TSPAN11: variants seen among roughly 807,000 people sequenced by gnomAD.
The protein encoded by TSPAN11 is tetraspanin-11.
In TSPAN11, 29 loss-of-function variants were observed where a neutral mutation model predicts 32.9. The observed-to-expected ratio is 0.88, with a 90% CI of 0.66 to 1.20. The LOEUF is 1.20. Among genes scored for constraint, TSPAN11 ranks in the 50% most tolerant of loss-of-function variants. The pLI, the probability that TSPAN11 is intolerant of heterozygous loss-of-function variation, is 0.00. For missense variants in TSPAN11, 283 were observed against 329.1 expected (o/e 0.86, Z 1.08); for synonymous variants, 140 against 141.3 (o/e 0.99, Z 0.07).
At chr12:30,987,639 C>T (rs1045706314) in intron 7 of TSPAN11, among the ~76,000 whole-genome samples, 7 of 152,052 alleles carry the variant, frequency 4.6e-5, no homozygotes, top group Admixed American at 4.6e-4. Flanking sequence ...GGGCTCCCCG[C>T]AGCAAAATGA....
At chr12:30,928,196 G>A (rs7957255) in intron 1 of TSPAN11, among the ~76,000 whole-genome samples, 5,714 of 152,316 alleles carry the variant, frequency 0.038, 429 homozygotes, top group East Asian at 0.35. Context: ...GAAAACTGGC[G>A]TTGATGTCTT....
intron 1 of TSPAN11, among the ~76,000 whole-genome samples, chr12:30,932,923 G>T (rs1447569606): frequency 1.3e-5 from 2 of 152,216 alleles, no homozygotes; most frequent in Non-Finnish European, 2.9e-5. Flanking sequence ...ATGCCTGGAA[G>T]GGAATGACGC....
chr12:30,986,626 G>A (rs919855227), intron 7 of TSPAN11: 1 of 152,168 alleles, frequency 6.6e-6, no homozygotes, highest in African/African-American at 2.4e-5. Context: ...GGTTCCCATC[G>A]CAGGAACCAG....
chr12:30,929,581 C>T (rs1937874852), intron 1 of TSPAN11, among the ~76,000 whole-genome samples: 1 of 152,148 alleles, frequency 6.6e-6, no homozygotes, highest in Non-Finnish European at 1.5e-5. Context: ...TGTTATCGTC[C>T]TCTATTGGGG....
At chr12:30,959,885 A>G (rs1350047334) in intron 2 of TSPAN11, among the ~76,000 whole-genome samples, 1 of 151,600 alleles carries the variant, frequency 6.6e-6, no homozygotes, top group Non-Finnish European at 1.5e-5. Flanking sequence ...AGGCCATGCA[A>G]AAGAGTTTTT....
intron 1 of TSPAN11, among the ~76,000 whole-genome samples, chr12:30,948,508 A>G (rs2140280558): frequency 6.6e-6 from 1 of 152,328 alleles, no homozygotes; most frequent in Middle Eastern, 3.4e-3. Flanking sequence ...GCCCAACACC[A>G]CGTGGAAGCT....
intron 1 of TSPAN11, 28 bp from the exon 2 acceptor site, chr12:30,953,953 C>G: frequency 6.4e-7 from 1 of 1,559,010 alleles, no homozygotes; most frequent in Non-Finnish European, 8.8e-7. Context: ...GGTGATTCCC[C>G]GGCCCAGCAT....
Position 30,993,443 on chromosome 12 carries a change from A to G in TSPAN11, c.*1528A>G, listed in dbSNP as rs1939357056. ...TGAACTGTCCAGAAACTGCATCCTC[A>G]GCACAGGAAGTACCCACATGGACAG... On this transcript the variant is annotated 3_prime_UTR_variant, in exon 8 of 8. Transcript: ENST00000546076. The G allele has an allele frequency of 1.3e-5, 2 of 152,320 alleles. No individual in the cohort carries two copies. Among genetic ancestry groups the G allele is most frequent in the African/African-American group, 4.8e-5 (2 of 41,468 alleles). 9.4% of individuals were successfully genotyped at this position (152,320 alleles called of 1,614,324 possible).
intron 1 of TSPAN11, among the ~76,000 whole-genome samples, chr12:30,935,697 G>T (rs1938031534): frequency 6.6e-6 from 1 of 152,160 alleles, no homozygotes; most frequent in Non-Finnish European, 1.5e-5. Context: ...GTGACCCATT[G>T]TGTGAAAATT....
At chr12:30,949,363 G>A (rs1938333453) in intron 1 of TSPAN11, among the ~76,000 whole-genome samples, 1 of 152,148 alleles carries the variant, frequency 6.6e-6, no homozygotes, top group Admixed American at 6.6e-5. Flanking sequence ...CCGAGACTGG[G>A]AGGAAAAAGA....
At chr12:30,986,473 G>C (rs1327684419) in intron 7 of TSPAN11, among the ~76,000 whole-genome samples, 1 of 152,202 alleles carries the variant, frequency 6.6e-6, no homozygotes, top group Non-Finnish European at 1.5e-5. Flanking sequence ...TTCAGGCAGG[G>C]ACAAGCCTAG....
the TSPAN11 span, among the ~76,000 whole-genome samples, chr12:31,011,488 C>T: frequency 2.6e-4 from 40 of 152,308 alleles, 2 homozygotes; most frequent in South Asian, 7.9e-3. Flanking sequence ...CAGCCCCAGC[C>T]AAGGCACTCC....
chr12:31,002,949 C>T, the TSPAN11 span, among the ~76,000 whole-genome samples: 2 of 152,170 alleles, frequency 1.3e-5, no homozygotes, highest in African/African-American at 2.4e-5. The surrounding 1 kb of genome is among the most constrained non-coding windows in gnomAD (Gnocchi z 4.8). Flanking sequence ...GATTTGCACC[C>T]TGACACCCAC....
At chr12:31,013,146 C>A in the TSPAN11 span, among the ~76,000 whole-genome samples, 1 of 152,210 alleles carries the variant, frequency 6.6e-6, no homozygotes, top group African/African-American at 2.4e-5. Flanking sequence ...CACTACACTA[C>A]AGCCAGGGAA....
At chr12:30,998,074 C>T (rs541748901), downstream of TSPAN11, among the ~76,000 whole-genome samples, 47 of 152,342 alleles carry the variant, frequency 3.1e-4, no homozygotes, top group Non-Finnish European at 5.6e-4. Context: ...GTTGCCTGCT[C>T]CCCTCCACCA....
At chr12:31,000,726 G>C (rs187318427), downstream of TSPAN11, among the ~76,000 whole-genome samples, 1 of 152,166 alleles carries the variant, frequency 6.6e-6, no homozygotes, top group Admixed American at 6.5e-5. Context: ...GAGGAACCTC[G>C]ATAATGTTTT....
At chr12:30,961,798 A>G (rs1938618435) in intron 2 of TSPAN11, among the ~76,000 whole-genome samples, 1 of 152,054 alleles carries the variant, frequency 6.6e-6, no homozygotes, top group African/African-American at 2.4e-5. Context: ...TCACACCGCT[A>G]GTTATGCAAA....
chr12:30,988,438 A>C (rs1939245107), intron 7 of TSPAN11: 1 of 152,028 alleles, frequency 6.6e-6, no homozygotes, highest in Non-Finnish European at 1.5e-5. Context: ...AAATACAAAA[A>C]ATTAGCTGGG....
At position 30,982,644 on chromosome 12, in the gene TSPAN11, T is replaced by C. The variant is rs2075333; in HGVS notation, c.569T>C (p.Val190Ala). The change falls in exon 6 of 8, where the codon GTG becomes GCG. Residue 190 changes from valine (V) to alanine (A), a missense_variant. By Grantham distance (64) the Val-to-Ala change is moderately conservative. Coordinates refer to ENST00000546076, the MANE Select transcript of TSPAN11 (RefSeq NM_001370302.1). ...GACAGCTGCTGCAAGACAGTGGTGG[T>C]GCGCTGCGGCCAGCGGGCCCACCCC... ...VPDSCCKTVV[V>A]RCGQRAHPSN... 1,111,080 of 1,608,570 alleles carry C rather than the reference T, an allele frequency of 0.69. 385,110 individuals carry two copies. The highest frequency in any genetic ancestry group is 0.77 in the Admixed American group (45,847 of 59,622).
Sources: gnomAD v4.1 joint callset for allele counts (sites outside exome capture counted in the v4.1 genomes callset) on GRCh38, gnomAD v4.1.1 for gene constraint, Gnocchi (gnomAD v3.1) non-coding constraint, MANE v1.5 for transcripts, NCBI Gene and HGNC (gene_info 2026-07-23, HGNC 2026-07-21) for gene names.